Variants in PPA1 observed in about 807,000 individuals in gnomAD.
PPA1 encodes the protein inorganic pyrophosphatase 1, also known as inorganic pyrophosphatase.
PPA1 carries 23 observed loss-of-function variants against 41.8 expected under a neutral mutation model. The observed-to-expected ratio is 0.55, with a 90% CI of 0.40 to 0.78. The LOEUF is 0.78. Ranked by LOEUF, PPA1 falls within the 30% of genes least tolerant of loss-of-function variation. The probability of loss-of-function intolerance (pLI) is 0.00; values close to 1 mark genes in which losing one functional copy is unlikely to be tolerated. For missense variants in PPA1, 320 were observed against 361.6 expected, an observed-to-expected ratio of 0.89 and a Z score of 0.93; for synonymous variants, 101 against 116.8, an observed-to-expected ratio of 0.86 and a Z score of 0.87.
intron 8 of PPA1, 101 bp from the exon 9 acceptor site, chr10:70,206,434 T>G (rs1839939466): frequency 1.2e-6 from 1 of 829,748 alleles, no homozygotes; most frequent in South Asian, 1.5e-5. Context: ...GATATTCAAG[T>G]TTAGTTTAGT....
At chr10:70,229,995 G>GCCT (rs1207597725) in intron 2 of PPA1, among the ~76,000 whole-genome samples, 1 of 151,920 alleles carries the variant, frequency 6.6e-6, no homozygotes, top group Non-Finnish European at 1.5e-5. Context: ...TGCAACCTCT[G>GCCT]CCTCCCAGGC....
intron 5 of PPA1, among the ~76,000 whole-genome samples, chr10:70,213,998 C>A (rs577236040): frequency 2.6e-5 from 4 of 152,242 alleles, no homozygotes; most frequent in African/African-American, 9.6e-5. Context: ...AAAATGATAA[C>A]TTTGTTTTTA....
At chr10:70,218,547 T>A (rs566543012) in intron 3 of PPA1, 22 of 517,208 alleles carry the variant, frequency 4.3e-5, no homozygotes, top group Non-Finnish European at 7.2e-5. Flanking sequence ...GAAGCAAAGA[T>A]GTTGGGAAGA....
chr10:70,210,460 T>C (rs1375363763), intron 6 of PPA1: 1 of 1,355,388 alleles, frequency 7.4e-7, no homozygotes, highest in Non-Finnish European at 9.9e-7. Flanking sequence ...TATCCATTGA[T>C]GGGTTACGTA....
chr10:70,221,076 A>ATT (rs11310336), intron 2 of PPA1, among the ~76,000 whole-genome samples: 6 of 40,026 alleles, frequency 1.5e-4, no homozygotes, highest in Non-Finnish European at 2.2e-4. Context: ...ATATATATAT[A>ATT]TTTTTTTTTT....
rs1381133803 is a variant in PPA1, at chr10:70,220,600, TTTATA to T, written c.124-1788_124-1784del. ...ATATATAATTATATATTATATATAA[TTTATA>T]TATATATTATATATAATTTATATAT... On this transcript the variant is annotated intron_variant, in intron 2 of 10. Coordinates refer to ENST00000373232, the MANE Select transcript of PPA1 (RefSeq NM_021129.4). 1.6e-4 allele frequency among the ~76,000 whole-genome samples: 2 copies of T among 12,308 alleles called. 1 individual carries two copies. The allele number at this position is 12,308 out of a possible 152,430, so 8.1% of individuals were successfully genotyped here.
chr10:70,208,788 C>T (rs1166325274), intron 8 of PPA1, among the ~76,000 whole-genome samples: 2 of 136,898 alleles, frequency 1.5e-5, no homozygotes, highest in Non-Finnish European at 3.1e-5. Flanking sequence ...GGCTGTTTCT[C>T]GTACTCTTTT....
intron 9 of PPA1, chr10:70,205,800 C>T (rs1839933226): frequency 6.6e-6 from 1 of 152,516 alleles, no homozygotes; most frequent in African/African-American, 2.4e-5. Flanking sequence ...AAAAATAGTA[C>T]AAAAACAAAA....
At chr10:70,229,083 T>G (rs757194739) in intron 2 of PPA1, among the ~76,000 whole-genome samples, 1 of 152,210 alleles carries the variant, frequency 6.6e-6, no homozygotes, top group African/African-American at 2.4e-5. Flanking sequence ...GAATAAGATA[T>G]TTGTCCTTGT....
chr10:70,203,242 A>C, intron 10 of PPA1, 56 bp from the exon 11 acceptor site: 2 of 1,423,840 alleles, frequency 1.4e-6, no homozygotes, highest in Non-Finnish European at 2.0e-6. Context: ...TCAAAAATAC[A>C]CCTAACATAT....
intron 2 of PPA1, among the ~76,000 whole-genome samples, chr10:70,224,875 C>T (rs1306564260): frequency 6.6e-6 from 1 of 152,064 alleles, no homozygotes; most frequent in Non-Finnish European, 1.5e-5. Flanking sequence ...GGATTACAGG[C>T]ATGCACCACC....
intron 2 of PPA1, among the ~76,000 whole-genome samples, chr10:70,223,067 T>C (rs1840192734): frequency 1.3e-5 from 2 of 152,140 alleles, no homozygotes; most frequent in Non-Finnish European, 2.9e-5. Flanking sequence ...GTAGATGCTG[T>C]AGTAATACTT....
intron 6 of PPA1, among the ~76,000 whole-genome samples, chr10:70,210,827 G>A (rs937233508): frequency 5.3e-5 from 8 of 151,338 alleles, no homozygotes; most frequent in South Asian, 2.1e-4. Flanking sequence ...GTGCAGTGGC[G>A]CAATCTCGGC....
intron 2 of PPA1, among the ~76,000 whole-genome samples, chr10:70,221,068 AT>A (rs1840158791): frequency 4.4e-4 from 7 of 16,060 alleles, no homozygotes; most frequent in Admixed American, 2.8e-3. Context: ...TTATATATAT[AT>A]ATATATATTT....
chr10:70,205,007 A>G (rs1839921764), intron 9 of PPA1, 92 bp from the exon 10 acceptor site: 3 of 933,962 alleles, frequency 3.2e-6, no homozygotes, highest in Non-Finnish European at 4.9e-6. Flanking sequence ...GAATCTGAAG[A>G]CTATCCCAAA....
At chr10:70,218,556 G>C (rs958516424) in intron 3 of PPA1, 3 of 528,860 alleles carry the variant, frequency 5.7e-6, no homozygotes, top group African/African-American at 3.9e-5. Context: ...ATGTTGGGAA[G>C]AAAAGTTTGG....
At chr10:70,203,576 G>C (rs1027006814) in intron 10 of PPA1, 1 of 164,140 alleles carries the variant, frequency 6.1e-6, no homozygotes, top group Non-Finnish European at 1.3e-5. Flanking sequence ...GCAAATTTTT[G>C]TATTTTTTTT....
chr10:70,223,215 T>A (rs1232932133), intron 2 of PPA1, among the ~76,000 whole-genome samples: 1 of 32,250 alleles, frequency 3.1e-5, no homozygotes, highest in Non-Finnish European at 5.3e-5. Context: ...AACATTTTTT[T>A]AAAGAGAGAG....
At chr10:70,231,396 G>A (rs760853550) in intron 1 of PPA1, among the ~76,000 whole-genome samples, 8 of 152,020 alleles carry the variant, frequency 5.3e-5, no homozygotes, top group African/African-American at 7.3e-5. Context: ...GTGAAACCCC[G>A]TCTCTACTAA....
Sources: gnomAD v4.1 joint callset for allele counts (sites outside exome capture counted in the v4.1 genomes callset) on GRCh38, gnomAD v4.1.1 for gene constraint, MANE v1.5 for transcripts, NCBI Gene and HGNC (gene_info 2026-07-23, HGNC 2026-07-21) for gene names.